Variants in PLEKHA3 observed in about 807,000 individuals in gnomAD.
PLEKHA3 encodes pleckstrin homology domain containing A3.
Under a neutral mutation model 39.2 loss-of-function variants are expected in PLEKHA3, and 19 were observed. The observed-to-expected ratio is 0.48, with a 90% confidence interval of 0.34 to 0.71. The LOEUF (loss-of-function observed/expected upper bound fraction) is 0.71, where lower values mean the gene tolerates loss of function less well. PLEKHA3 is among the 30% of genes least tolerant of loss of function. PLEKHA3 has a pLI of 0.01. For synonymous variants in PLEKHA3, 97 were observed against 118.6 expected (o/e 0.82, Z 1.18); for missense variants, 253 against 359.5 (o/e 0.70, Z 2.40).
At chr2:178,488,723 C>T (rs1334332462) in intron 2 of PLEKHA3, among the ~76,000 whole-genome samples, 10 of 152,324 alleles carry the variant, frequency 6.6e-5, no homozygotes, top group Admixed American at 5.9e-4. Flanking sequence ...CATTTCCTTA[C>T]AGATTTTAGA....
At position 178,508,385 on chromosome 2, in the gene PLEKHA3, A is replaced by T. The variant is rs531965412; in HGVS notation, c.*4498A>T. On this transcript the variant is annotated 3_prime_UTR_variant, in exon 8 of 8. Transcript: ENST00000234453. Reference sequence around the variant, plus strand: ...GTTTCCCCATATCTCCCTGAGGATAAAATTAAGATTTTTTTCTTACATCTT... The same window carrying T: ...GTTTCCCCATATCTCCCTGAGGATATAATTAAGATTTTTTTCTTACATCTT... The T allele has an allele frequency of 6.6e-6, 1 of 151,948 alleles. No individual in the cohort carries two copies. The highest frequency in any genetic ancestry group is 1.5e-5 in the Non-Finnish European group (1 of 67,986). 9.4% of individuals were successfully genotyped at this position (151,948 alleles called of 1,614,324 possible).
chr2:178,495,799 T>C, intron 5 of PLEKHA3, 139 bp downstream of exon 5: 1 of 913,284 alleles, frequency 1.1e-6, no homozygotes, highest in South Asian at 1.7e-5. Context: ...TTTTTTTGTT[T>C]GTACTGTTTC....
Position 178,510,911 on chromosome 2 carries a change from A to AT in PLEKHA3, c.*7031dup, listed in dbSNP as rs904453708. 2 of 152,158 alleles carry AT rather than the reference A, an allele frequency of 1.3e-5. No individual in the cohort carries two copies. The highest frequency in any genetic ancestry group is 6.6e-5 in the Admixed American group (1 of 15,264). 9.4% of individuals were successfully genotyped at this position (152,158 alleles called of 1,614,324 possible). Reference sequence around the variant, plus strand: ...ACATTTAATTTAAATACTATGTTCAATTTTTTTAATGGTCTGCTTCAGATT... The same window carrying AT: ...ACATTTAATTTAAATACTATGTTCAATTTTTTTTAATGGTCTGCTTCAGATT... On this transcript the variant is annotated 3_prime_UTR_variant, in exon 8 of 8. Coordinates refer to ENST00000234453, the MANE Select transcript of PLEKHA3 (RefSeq NM_019091.4).
Position 178,490,830 on chromosome 2 carries a change from T to G in PLEKHA3, c.313+16T>G, listed in dbSNP as rs1211497720. On this transcript the variant is annotated intron_variant, in intron 3 of 7. Coordinates refer to ENST00000234453, the MANE Select transcript of PLEKHA3 (RefSeq NM_019091.4). ...AAAGAAAAAGGTAACTATAAACTTTTCCCTTGTGGTGAGAGTACTTTCTTA... is the reference window on the plus strand; with the variant it reads ...AAAGAAAAAGGTAACTATAAACTTTGCCCTTGTGGTGAGAGTACTTTCTTA... 3 of 1,587,910 alleles carry G rather than the reference T, an allele frequency of 1.9e-6. No homozygotes were observed. In the South Asian group the frequency reaches 3.5e-5, roughly 18 times the overall value.
intron 5 of PLEKHA3, among the ~76,000 whole-genome samples, chr2:178,496,081 G>A (rs909219525): frequency 2.0e-5 from 3 of 152,180 alleles, no homozygotes; most frequent in South Asian, 2.1e-4. Flanking sequence ...ACATATTCCG[G>A]TGGGAACGGT....
intron 2 of PLEKHA3, among the ~76,000 whole-genome samples, chr2:178,486,994 G>A (rs1685260735): frequency 1.3e-5 from 2 of 152,242 alleles, no homozygotes. Context: ...CTTTATTTAG[G>A]ACTATTGTGA....
chr2:178,515,613 T>G lies in PLEKHA3; in HGVS notation c.*11726T>G, dbSNP rs1685750173. On this transcript the variant is annotated 3_prime_UTR_variant, in exon 8 of 8. Transcript: ENST00000234453. ...AATTTAGGATTGTTTATACATTTAT[T>G]TACCTCTTTTAAAAAATTTCTTCAG... is the stretch of plus-strand genomic sequence containing the variant. 1 of 152,130 alleles carries G rather than the reference T, an allele frequency of 6.6e-6. No individual in the cohort carries two copies. The highest frequency in any genetic ancestry group is 1.5e-5 in the Non-Finnish European group (1 of 68,000). 9.4% of individuals were successfully genotyped at this position (152,130 alleles called of 1,614,324 possible).
chr2:178,493,823 T>C, intron 3 of PLEKHA3, 30 bp from the exon 4 acceptor site: 1 of 1,575,210 alleles, frequency 6.3e-7, no homozygotes, highest in Non-Finnish European at 8.7e-7. Context: ...GAAAATGATC[T>C]AACTGTATAT....
chr2:178,501,104 C>T lies in PLEKHA3; in HGVS notation c.703C>T (p.Leu235Phe), dbSNP rs1442147957. 1 of 1,613,246 alleles carries T rather than the reference C, an allele frequency of 6.2e-7. No individual in the cohort carries two copies. Residue 235 changes from leucine (L) to phenylalanine (F), a missense_variant, in exon 7 of 8, where the codon CTC (leucine) becomes TTC (phenylalanine). Transcript: ENST00000234453. The stretch of plus-strand genomic sequence containing the variant: ...AGAACCAGTATCTACACTTCACCGA[C>T]TCTCCCAGCGACGCCGAAGAACCTA... ...IKEPVSTLHR[L>F]SQRRRRTYSD...
rs1685139743 is a variant in PLEKHA3 at position 178,480,590 on chromosome 2, C to T, written c.-280C>T. ...GGGCTGCGGAAGCGCGAGCAGGAGG[C>T]CGGTCGCGGGCGCATTTTTGCCGTT... On this transcript the variant is annotated 5_prime_UTR_variant, in exon 1 of 8. Coordinates refer to ENST00000234453, the MANE Select transcript of PLEKHA3 (RefSeq NM_019091.4). The T allele has an allele frequency of 3.7e-6, 1 of 270,896 alleles. No homozygotes were observed. The highest frequency in any genetic ancestry group is 6.9e-6 in the Non-Finnish European group (1 of 144,730). 16.8% of individuals were successfully genotyped at this position (270,896 alleles called of 1,614,324 possible).
chr2:178,487,893 T>C (rs1685276552), intron 2 of PLEKHA3, among the ~76,000 whole-genome samples: 1 of 152,190 alleles, frequency 6.6e-6, no homozygotes. Flanking sequence ...ATATTTCTGG[T>C]GTTTGTAGTG....
intron 2 of PLEKHA3, chr2:178,488,978 T>C: frequency 2.2e-6 from 1 of 460,574 alleles, no homozygotes; most frequent in Middle Eastern, 3.3e-4. Flanking sequence ...GTGACAACTT[T>C]GGAGGGGACC....
chr2:178,486,299 T>A (rs1443297784), intron 2 of PLEKHA3, among the ~76,000 whole-genome samples: 1 of 152,232 alleles, frequency 6.6e-6, no homozygotes, highest in Non-Finnish European at 1.5e-5. Flanking sequence ...GAAGATTTTA[T>A]GGACCATTGA....
chr2:178,480,972 G>T, intron 1 of PLEKHA3, 63 bp downstream of exon 1: 1 of 1,281,538 alleles, frequency 7.8e-7, no homozygotes, highest in Non-Finnish European at 1.0e-6. Context: ...AAGGCGGGTC[G>T]GGGCTCCTCT....
chr2:178,492,668 C>A, intron 3 of PLEKHA3, among the ~76,000 whole-genome samples: 1 of 150,856 alleles, frequency 6.6e-6, no homozygotes, highest in Admixed American at 6.6e-5. Flanking sequence ...GACATATAGT[C>A]TATGATTCCA....
In PLEKHA3 at chr2:178,508,100, C is replaced by T. The variant is rs1481812943; in HGVS notation, c.*4213C>T. ...GTGTGTGTGTGTGTGATCTTTTTGA[C>T]AGTTTTCTCTCTTCCATTTTCTTTG... is the stretch of plus-strand genomic sequence containing the variant. On this transcript the variant is annotated 3_prime_UTR_variant, in exon 8 of 8. Transcript: ENST00000234453. 2 of 144,158 alleles carry T rather than the reference C, an allele frequency of 1.4e-5. No individual in the cohort carries two copies. Among genetic ancestry groups the T allele is most frequent in the Non-Finnish European group, 3.1e-5 (2 of 65,106 alleles). The allele number at this position is 144,158 out of a possible 1,614,324, so 8.9% of individuals were successfully genotyped here.
chr2:178,495,767 G>A (rs909261312), intron 5 of PLEKHA3, 107 bp downstream of exon 5: 6 of 1,216,002 alleles, frequency 4.9e-6, no homozygotes, highest in Middle Eastern at 2.0e-4. Context: ...GTTGGGGGGC[G>A]GGGAACAGCT....
intron 7 of PLEKHA3, among the ~76,000 whole-genome samples, chr2:178,502,185 A>T (rs1685536870): frequency 6.6e-6 from 1 of 152,022 alleles, no homozygotes; most frequent in African/African-American, 2.4e-5. Flanking sequence ...GGCAATTTTA[A>T]AAAGGATTGC....
intron 4 of PLEKHA3, among the ~76,000 whole-genome samples, chr2:178,494,505 G>A (rs891817735): frequency 6.6e-6 from 1 of 152,188 alleles, no homozygotes; most frequent in Non-Finnish European, 1.5e-5. Context: ...CTCTCTGGGT[G>A]AAAGGCCAGC....
Sources: allele counts gnomAD v4.1 joint callset (sites outside exome capture counted in the v4.1 genomes callset), GRCh38; gene constraint gnomAD v4.1.1; transcripts MANE v1.5; gene names NCBI Gene and HGNC (gene_info 2026-07-23, HGNC 2026-07-21).